The following CSRNP3 variants were observed in gnomAD, a reference collection of about 807,000 sequenced individuals.
CSRNP3 encodes cysteine/serine-rich nuclear protein 3.
CSRNP3 carries 12 observed loss-of-function variants against 48.0 expected under a neutral mutation model. That is an observed-to-expected ratio of 0.25 (90% confidence interval 0.16 to 0.41). The LOEUF is 0.41. CSRNP3 is among the 10% of genes least tolerant of loss of function. The pLI is 1.00. For missense variants in CSRNP3, 580 were observed against 724.4 expected (o/e 0.80, Z 2.29); for synonymous variants, 263 against 269.7 (o/e 0.98, Z 0.24).
In CSRNP3 at chr2:165,681,803, ATGTGTGTG is replaced by A. The variant is rs372840967; in HGVS notation, c.*2070_*2077del. 1.5e-4 allele frequency: 19 copies of A among 126,836 alleles called. No individual in the cohort carries two copies. Among genetic ancestry groups the A allele is most frequent in the African/African-American group, 4.8e-4 (16 of 33,612 alleles). 7.9% of individuals were successfully genotyped at this position (126,836 alleles called of 1,614,324 possible). ...TACACATATATATACACATATATGT[ATGTGTGTG>A]TGTGTGTGTGTGTGTGTGTATATAT... On this transcript the variant is annotated 3_prime_UTR_variant, in exon 7 of 7. Transcript: ENST00000651982.
intron 4 of CSRNP3, 137 bp from the exon 5 acceptor site, chr2:165,657,624 G>A (rs898849825): frequency 1.1e-6 from 1 of 944,224 alleles, no homozygotes; most frequent in Non-Finnish European, 1.6e-6. Context: ...GCCAACTCTG[G>A]GATATAACAG....
rs550548774 is a variant in CSRNP3 at position 165,547,728 on chromosome 2, T to G, written c.-24+29767T>G. ...TAGTTATCTTCAAACTGGAAATAAT[T>G]TCTTTTTGCAGGATGTTTTTTCTTG... On this transcript the variant is annotated intron_variant, in intron 3 of 6. Coordinates refer to ENST00000651982, the MANE Select transcript of CSRNP3 (RefSeq NM_001172173.2). Among the ~76,000 whole-genome samples the G allele has an allele frequency of 3.3e-5, 5 of 152,204 alleles. No individual in the cohort carries two copies. In the East Asian group the frequency reaches 9.6e-4, roughly 29 times the overall value.
At chr2:165,561,907 A>G (rs1480853594) in intron 3 of CSRNP3, among the ~76,000 whole-genome samples, 3 of 152,190 alleles carry the variant, frequency 2.0e-5, no homozygotes, top group Non-Finnish European at 4.4e-5. Context: ...ATACTAATAA[A>G]GTCCAGTGAA....
intron 4 of CSRNP3, among the ~76,000 whole-genome samples, chr2:165,605,753 T>C (rs1436558782): frequency 6.6e-6 from 1 of 152,142 alleles, no homozygotes; most frequent in Admixed American, 6.5e-5. Flanking sequence ...CCAGAGAATA[T>C]GGCCAAGTAT....
intron 4 of CSRNP3, among the ~76,000 whole-genome samples, chr2:165,639,933 C>G (rs1166934992): frequency 6.6e-6 from 1 of 152,142 alleles, no homozygotes; most frequent in African/African-American, 2.4e-5. Context: ...TATTCAGTGT[C>G]CATTACCTTT....
rs1355994 is a variant in CSRNP3 at position 165,497,732 on chromosome 2, A to C, written c.-113+2804A>C. ...GATGTGGAGACTAAGGTCTAGGAAG[A>C]GTAATTTGACAAGAATCAAAATGTG... On this transcript the variant is annotated intron_variant, in intron 2 of 6. Coordinates refer to ENST00000651982, the MANE Select transcript of CSRNP3 (RefSeq NM_001172173.2). Among the ~76,000 whole-genome samples the C allele has an allele frequency of 6.8e-3, 1,039 of 152,186 alleles. 5 individuals carry two copies. The highest frequency in any genetic ancestry group is 0.012 in the Admixed American group (189 of 15,256).
At position 165,657,744 on chromosome 2, in the gene CSRNP3, GTTTC is replaced by G. The variant is rs753342620; in HGVS notation, c.149-11_149-8del. On this transcript the variant is annotated splice_polypyrimidine_tract_variant and intron_variant, in intron 4 of 6. Transcript: ENST00000651982. ...TGCTGCCCCAAGTGTTCACAGGATT[GTTTC>G]TTTCTCTTTCAGCTTCCTCCATTCT... 2.5e-6 allele frequency: 4 copies of G among 1,611,350 alleles called. No individual in the cohort carries two copies. Among genetic ancestry groups the G allele is most frequent in the Non-Finnish European group, 3.4e-6 (4 of 1,177,818 alleles).
At chr2:165,559,471 C>T (rs1558934325) in intron 3 of CSRNP3, among the ~76,000 whole-genome samples, 1 of 152,044 alleles carries the variant, frequency 6.6e-6, no homozygotes, top group Non-Finnish European at 1.5e-5. Context: ...TTTAAATACA[C>T]TAGACCAAGA....
chr2:165,530,669 A>G (rs1472218952), intron 3 of CSRNP3, among the ~76,000 whole-genome samples: 1 of 152,134 alleles, frequency 6.6e-6, no homozygotes, highest in Non-Finnish European at 1.5e-5. Flanking sequence ...CTTATAAAAT[A>G]TAATAGTCCT....
chr2:165,564,389 A>G (rs1289672223), intron 3 of CSRNP3, among the ~76,000 whole-genome samples: 3 of 152,110 alleles, frequency 2.0e-5, no homozygotes, highest in Non-Finnish European at 4.4e-5. Context: ...TCTAATATTA[A>G]ATTTGGCATT....
chr2:165,520,709 TCTG>T (rs1684639595), intron 3 of CSRNP3, among the ~76,000 whole-genome samples: 1 of 132,062 alleles, frequency 7.6e-6, no homozygotes, highest in Admixed American at 7.5e-5. Flanking sequence ...TATCTATCTA[TCTG>T]TCTATCTATA....
At chr2:165,487,576 A>G (rs1184110872) in intron 1 of CSRNP3, among the ~76,000 whole-genome samples, 2 of 148,278 alleles carry the variant, frequency 1.3e-5, no homozygotes, top group Non-Finnish European at 3.0e-5. Context: ...AGGGAAGCCC[A>G]TCAGACTAAC....
intron 3 of CSRNP3, among the ~76,000 whole-genome samples, chr2:165,524,429 T>C (rs1220497323): frequency 6.6e-6 from 1 of 152,170 alleles, no homozygotes; most frequent in African/African-American, 2.4e-5. Context: ...AGAAAAGTAT[T>C]TAAGCAATGC....
rs1489273456 is a variant in CSRNP3, at chr2:165,680,955, G to A, written c.*1202G>A. ...ACTTAGTGACTAGCTGATTGAAGGG[G>A]GGCCTCTACCCAAATACTCAACTAG... On this transcript the variant is annotated 3_prime_UTR_variant, in exon 7 of 7. Coordinates refer to ENST00000651982, the MANE Select transcript of CSRNP3 (RefSeq NM_001172173.2). The A allele has an allele frequency of 2.0e-5, 3 of 152,114 alleles. No homozygotes were observed. Among genetic ancestry groups the A allele is most frequent in the African/African-American group, 4.8e-5 (2 of 41,422 alleles). The allele number at this position is 152,114 out of a possible 1,614,324, so 9.4% of individuals were successfully genotyped here.
At chr2:165,568,634 T>C (rs542331234) in intron 3 of CSRNP3, among the ~76,000 whole-genome samples, 23 of 152,220 alleles carry the variant, frequency 1.5e-4, no homozygotes, top group African/African-American at 5.5e-4. Context: ...TATTAGGACC[T>C]AGACTTGGAC....
rs556116469 is a variant in CSRNP3 at position 165,576,141 on chromosome 2, A to T, written c.-23-18902A>T. 5.8e-4 allele frequency among the ~76,000 whole-genome samples: 88 copies of T among 150,880 alleles called. 6 individuals are homozygous for T. In the East Asian group the frequency reaches 0.017, roughly 29 times the overall value. On this transcript the variant is annotated intron_variant, in intron 3 of 6. Coordinates refer to ENST00000651982, the MANE Select transcript of CSRNP3 (RefSeq NM_001172173.2). The stretch of plus-strand genomic sequence containing the variant: ...TATATATGCATAAAACAATATATAT[A>T]TACACACACATATGTGTAACAATAT...
At chr2:165,653,654 A>G (rs992832618) in intron 4 of CSRNP3, among the ~76,000 whole-genome samples, 10 of 152,130 alleles carry the variant, frequency 6.6e-5, no homozygotes, top group Non-Finnish European at 1.5e-4. Context: ...AGTGCCACCA[A>G]TTGTCTAAAA....
intron 4 of CSRNP3, among the ~76,000 whole-genome samples, chr2:165,624,835 A>G (rs972647243): frequency 6.6e-6 from 1 of 152,114 alleles, no homozygotes; most frequent in Non-Finnish European, 1.5e-5. Context: ...TGTATTGTTC[A>G]TCTCTACAAC....
At chr2:165,513,828 C>G (rs1387341043) in intron 2 of CSRNP3, among the ~76,000 whole-genome samples, 1 of 152,184 alleles carries the variant, frequency 6.6e-6, no homozygotes, top group African/African-American at 2.4e-5. Flanking sequence ...CAAGGGCAAC[C>G]AGGAAGCCAA....
Sources: gnomAD v4.1 joint callset for allele counts (sites outside exome capture counted in the v4.1 genomes callset) on GRCh38, gnomAD v4.1.1 for gene constraint, MANE v1.5 for transcripts, NCBI Gene and HGNC (gene_info 2026-07-23, HGNC 2026-07-21) for gene names.